The following PKD1L1 variants were observed in gnomAD, a reference collection of about 807,000 sequenced individuals.
PKD1L1 encodes the protein polycystin-1-like protein 1.
PKD1L1 carries 236 observed loss-of-function variants against 323.4 expected under a neutral mutation model. That is an observed-to-expected ratio of 0.73 (90% confidence interval 0.66 to 0.81). The LOEUF is 0.81. Ranked by LOEUF, PKD1L1 falls within the 40% of genes least tolerant of loss-of-function variation. The pLI is 0.00. For synonymous variants in PKD1L1, 1,344 were observed against 1,335.0 expected (o/e 1.01, Z -0.15); for missense variants, 3,320 against 3,508.0 (o/e 0.95, Z 1.35).
chr7:47,793,975 A>G (rs917676384), intron 55 of PKD1L1, among the ~76,000 whole-genome samples: 2 of 152,160 alleles, frequency 1.3e-5, no homozygotes, highest in African/African-American at 4.8e-5. Flanking sequence ...CTTGAGAGAG[A>G]TGATTTTTAG....
intron 14 of PKD1L1, among the ~76,000 whole-genome samples, chr7:47,896,157 T>C (rs2128749631): frequency 6.6e-6 from 1 of 151,852 alleles, no homozygotes; most frequent in South Asian, 2.1e-4. Context: ...TGCAACAGGG[T>C]GAAACCCTGT....
chr7:47,939,310 A>C (rs1336097172), intron 3 of PKD1L1, among the ~76,000 whole-genome samples: 1 of 152,232 alleles, frequency 6.6e-6, no homozygotes, highest in African/African-American at 2.4e-5. Context: ...GCTGCTCTGC[A>C]TGAGGAATAC....
intron 25 of PKD1L1, among the ~76,000 whole-genome samples, 186 bp downstream of exon 25, chr7:47,866,233 G>C (rs1162929248): frequency 6.6e-6 from 1 of 152,188 alleles, no homozygotes; most frequent in Non-Finnish European, 1.5e-5. Context: ...GCATTCATTT[G>C]TGATACATAT....
chr7:47,831,430 C>T, intron 41 of PKD1L1, 78 bp from the exon 42 acceptor site: 1 of 1,517,880 alleles, frequency 6.6e-7, no homozygotes. Flanking sequence ...GGTGGTGAAT[C>T]TTAGGTGTCA....
Position 47,857,693 on chromosome 7 carries a change from G to T in PKD1L1, c.4502C>A (p.Ala1501Asp), listed in dbSNP as rs1785934439. 2 of 1,614,064 alleles carry T rather than the reference G, an allele frequency of 1.2e-6. No homozygotes were observed. Among genetic ancestry groups the T allele is most frequent in the Admixed American group, 1.7e-5 (1 of 59,996 alleles). The change falls in exon 28 of 57, where the codon GCT (alanine) becomes GAT (aspartate). Residue 1501 changes from alanine (A) to aspartate (D), a missense_variant. Transcript: ENST00000289672. ...GCATGGGCTCTGTGTCTCCGCCCCA[G>T]CAGGACTGTGCCCAGCAAGGTCACC... The part of the protein sequence containing the change: ...LPGDLAGHSP[A>D]GAETQSPCYI...
rs777152140 is a variant in PKD1L1, at chr7:47,905,151, A to G, written c.1691+6T>C. On this transcript the variant is annotated splice_donor_region_variant and intron_variant, in intron 11 of 56. Coordinates refer to ENST00000289672, the MANE Select transcript of PKD1L1 (RefSeq NM_138295.5). ...GCTACTCAGCAGGACTGCTACTTTT[A>G]CTGACCATTGGGGGATGCTGAGTCT... The G allele has an allele frequency of 6.2e-7, 1 of 1,612,784 alleles. No individual in the cohort carries two copies. The highest frequency in any genetic ancestry group is 1.1e-5 in the South Asian group (1 of 90,836).
At chr7:47,917,478 A>G (rs1225272012) in intron 7 of PKD1L1, among the ~76,000 whole-genome samples, 2 of 152,204 alleles carry the variant, frequency 1.3e-5, no homozygotes, top group Non-Finnish European at 2.9e-5. Context: ...AGAAGCACAA[A>G]GAATAGCTGG....
rs2128755298 is a variant in PKD1L1, at chr7:47,929,340, C to T, written c.924G>A (p.Leu308=). The change falls in exon 7 of 57, where the codon CTG becomes CTA. Residue 308 remains leucine, a synonymous_variant. Coordinates refer to ENST00000289672, the MANE Select transcript of PKD1L1 (RefSeq NM_138295.5). ...LEVEARAPPN[L]GFRVHMASGE... ...CAGAAGCCATATGAACACGGAATCC[C>T]AGATTTGGAGGTGCCCGAGCTTCCA... 6.2e-7 allele frequency: 1 copy of T among 1,614,148 alleles called. No homozygotes were observed. Among genetic ancestry groups the T allele is most frequent in the South Asian group, 1.1e-5 (1 of 91,070 alleles).
Position 47,831,366 on chromosome 7 carries a change from G to T in PKD1L1, c.6338-14C>A. ...CACTGCTGGGTGCTGCGGAAGAGTA[G>T]GACAGAGACAAGGCAGCTTAAGAGA... On this transcript the variant is annotated splice_polypyrimidine_tract_variant and intron_variant, in intron 41 of 56. Coordinates refer to ENST00000289672, the MANE Select transcript of PKD1L1 (RefSeq NM_138295.5). 1 of 1,604,046 alleles carries T rather than the reference G, an allele frequency of 6.2e-7. No homozygotes were observed. The highest frequency in any genetic ancestry group is 8.5e-7 in the Non-Finnish European group (1 of 1,176,118).
Position 47,862,067 on chromosome 7 carries a change from C to T in PKD1L1, c.4149+3149G>A, listed in dbSNP as rs113608018. Among the ~76,000 whole-genome samples the T allele has an allele frequency of 3.5e-3, 529 of 151,428 alleles. 4 individuals carry two copies. The highest frequency in any genetic ancestry group is 0.012 in the African/African-American group (500 of 41,274). On this transcript the variant is annotated intron_variant, in intron 26 of 56. Transcript: ENST00000289672. ...AAAATTGGCCAGGTATGGTGGCGTG[C>T]ACCTGTAATCCCAGCTACTAGGGAC... is the stretch of plus-strand genomic sequence containing the variant.
chr7:47,877,652 G>A, intron 21 of PKD1L1, 21 bp from the exon 22 acceptor site: 1 of 1,611,912 alleles, frequency 6.2e-7, no homozygotes, highest in African/African-American at 1.3e-5. Context: ...AGATGAAGCA[G>A]CGGTTTCACC....
intron 8 of PKD1L1, among the ~76,000 whole-genome samples, chr7:47,910,416 G>C (rs1296837427): frequency 6.9e-6 from 1 of 144,600 alleles, no homozygotes; most frequent in Non-Finnish European, 1.5e-5. Flanking sequence ...CTTACTGCAA[G>C]CTCTGCCTCC....
At position 47,940,239 on chromosome 7, in the gene PKD1L1, T is replaced by A; in HGVS notation, c.239A>T (p.Glu80Val). 6.2e-7 allele frequency: 1 copy of A among 1,614,158 alleles called. No individual in the cohort carries two copies. Among genetic ancestry groups the A allele is most frequent in the South Asian group, 1.1e-5 (1 of 91,080 alleles). Residue 80 changes from glutamate (E) to valine (V), a missense_variant, in exon 3 of 57, where the codon GAA becomes GTA. By Grantham distance (121) the Glu-to-Val change is moderately radical. Transcript: ENST00000289672. ...CPWCALNGKA[E>V]DRESQSPSSS... ...GGATGGGCTCTGTGATTCCCGGTCT[T>A]CTGCCTTTCCATTCAGAGCACACCA...
At chr7:47,827,538 C>A (rs1182214841) in intron 44 of PKD1L1, 70 bp from the exon 45 acceptor site, 5 of 1,341,038 alleles carry the variant, frequency 3.7e-6, no homozygotes, top group Non-Finnish European at 5.1e-6. Context: ...GGTGCTCCTG[C>A]CAAGCCAAGG....
At chr7:47,863,608 G>A (rs548334050) in intron 26 of PKD1L1, among the ~76,000 whole-genome samples, 3 of 152,286 alleles carry the variant, frequency 2.0e-5, no homozygotes, top group Non-Finnish European at 2.9e-5. Context: ...GAAGGTCCCC[G>A]GCAGGGAGAG....
At chr7:47,913,883 A>G (rs928540442) in intron 8 of PKD1L1, among the ~76,000 whole-genome samples, 1 of 152,242 alleles carries the variant, frequency 6.6e-6, no homozygotes, top group Non-Finnish European at 1.5e-5. Flanking sequence ...ACAGTAAACG[A>G]AATTTGGGCT....
intron 21 of PKD1L1, among the ~76,000 whole-genome samples, chr7:47,879,064 C>T (rs993015743): frequency 3.9e-5 from 6 of 152,202 alleles, no homozygotes; most frequent in Non-Finnish European, 5.9e-5. Flanking sequence ...CAAAAGCAAA[C>T]GCTGCCCGTC....
At chr7:47,952,844 C>G (rs1243972331), upstream of PKD1L1, among the ~76,000 whole-genome samples, 1 of 152,142 alleles carries the variant, frequency 6.6e-6, no homozygotes, top group Non-Finnish European at 1.5e-5. Flanking sequence ...GGTACTCTGT[C>G]TTATATAAAA....
chr7:47,781,751 T>C (rs1292971694), intron 56 of PKD1L1, among the ~76,000 whole-genome samples: 1 of 152,116 alleles, frequency 6.6e-6, no homozygotes, highest in Non-Finnish European at 1.5e-5. Context: ...TTTCTGATTT[T>C]CTCCTGTTTT....
Sources: gnomAD v4.1 joint callset for allele counts (sites outside exome capture counted in the v4.1 genomes callset) on GRCh38, gnomAD v4.1.1 for gene constraint, MANE v1.5 for transcripts, NCBI Gene and HGNC (gene_info 2026-07-23, HGNC 2026-07-21) for gene names.